Variants in USP48 observed in about 807,000 individuals in gnomAD.
USP48 encodes the protein ubiquitin specific peptidase 48.
Under a neutral mutation model 150.7 loss-of-function variants are expected in USP48, and 43 were observed. That is an observed-to-expected ratio of 0.29 (90% confidence interval 0.22 to 0.37). The LOEUF is 0.37. Among genes scored for constraint, USP48 ranks in the 10% least tolerant of loss-of-function variants. USP48 has a pLI of 1.00. For missense variants in USP48, 813 were observed against 1,249.6 expected (o/e 0.65, Z 5.27); for synonymous variants, 396 against 425.9 (o/e 0.93, Z 0.86).
At chr1:21,742,302 T>C (rs2097783669) in intron 8 of USP48, among the ~76,000 whole-genome samples, 1 of 151,976 alleles carries the variant, frequency 6.6e-6, no homozygotes, top group Admixed American at 6.6e-5. Flanking sequence ...CCAGCACTTT[T>C]GGAGGCTGAG....
At chr1:21,684,217 C>T (rs983326103) in intron 25 of USP48, among the ~76,000 whole-genome samples, 7 of 152,310 alleles carry the variant, frequency 4.6e-5, no homozygotes, top group South Asian at 2.1e-4. Context: ...ATACTGTTTT[C>T]CATAATGGCT....
At chr1:21,714,400 A>C (rs2097698716) in intron 15 of USP48, among the ~76,000 whole-genome samples, 1 of 152,142 alleles carries the variant, frequency 6.6e-6, no homozygotes, top group South Asian at 2.1e-4. Flanking sequence ...CTCCTGAGAA[A>C]CTGAAACTGC....
chr1:21,732,993 C>T (rs922744542), intron 9 of USP48, among the ~76,000 whole-genome samples: 1 of 152,042 alleles, frequency 6.6e-6, no homozygotes, highest in African/African-American at 2.4e-5. Context: ...TGCACCTATG[C>T]TTGGATGTTA....
chr1:21,733,516 G>T (rs1277667129), intron 9 of USP48, among the ~76,000 whole-genome samples: 7 of 152,116 alleles, frequency 4.6e-5, no homozygotes, highest in Non-Finnish European at 8.8e-5. Context: ...ACATAATAAT[G>T]AATGTCTAAT....
intron 22 of USP48, among the ~76,000 whole-genome samples, chr1:21,701,228 T>C (rs1255812889): frequency 2.0e-5 from 3 of 150,044 alleles, no homozygotes; most frequent in Non-Finnish European, 4.4e-5. Flanking sequence ...TAGCCGGGTG[T>C]GGTGGTGGGC....
At chr1:21,716,322 T>C (rs1453122586) in intron 14 of USP48, among the ~76,000 whole-genome samples, 1 of 152,086 alleles carries the variant, frequency 6.6e-6, no homozygotes, top group Non-Finnish European at 1.5e-5. Flanking sequence ...ACTCCTACAG[T>C]CAATCTGAGC....
chr1:21,776,966 T>C (rs1196961857), intron 1 of USP48, among the ~76,000 whole-genome samples: 2 of 140,896 alleles, frequency 1.4e-5, no homozygotes, highest in Admixed American at 1.4e-4. Context: ...AAAAAAAAAA[T>C]TAGCCAGGTG....
At chr1:21,775,553 C>T (rs1262249141) in intron 1 of USP48, among the ~76,000 whole-genome samples, 3 of 152,236 alleles carry the variant, frequency 2.0e-5, no homozygotes, top group African/African-American at 7.2e-5. Context: ...CCGTGCGTGG[C>T]CCTCATTAGG....
In USP48 at chr1:21,767,615, G is replaced by T. The variant is rs572169710; in HGVS notation, c.135-9832C>A. Among the ~76,000 whole-genome samples the T allele has an allele frequency of 1.8e-4, 27 of 150,346 alleles. 1 individual carries two copies. In the South Asian group the frequency reaches 5.7e-3, roughly 32 times the overall value. On this transcript the variant is annotated intron_variant, in intron 1 of 26. Transcript: ENST00000308271. ...TGGGATTACAGGCATGAGCCACCGC[G>T]ACCCGGCCAGGACTTTTTAGAGAGC...
rs754558573 is a variant in USP48 at position 21,690,004 on chromosome 1, G to A, written c.2979C>T (p.Gly993=). Residue 993 remains glycine, a synonymous_variant, in exon 24 of 27, where the codon GGC becomes GGT. Transcript: ENST00000308271. ...ATAAAATGACAGATTCAGGAATGAC[G>A]CCAAGGGTGCCTAGGGTGGCACAGT... ...SDDCATLGTL[G]VIPESVILLK... 8.1e-6 allele frequency: 13 copies of A among 1,613,858 alleles called. No individual in the cohort carries two copies. Among genetic ancestry groups the A allele is most frequent in the Middle Eastern group, 1.6e-4 (1 of 6,082 alleles).
Position 21,752,615 on chromosome 1 carries a change from A to G in USP48, c.577T>C (p.Leu193=), listed in dbSNP as rs2097819432. 2 of 1,611,120 alleles carry G rather than the reference A, an allele frequency of 1.2e-6. No individual in the cohort carries two copies. The highest frequency in any genetic ancestry group is 1.7e-5 in the Admixed American group (1 of 58,828). Reference sequence around the variant, plus strand: ...TTTTGTTTAGACAAAGTATCTTCCAATAGAGACATAAAGAGCTTTGAAAAT... The same window carrying G: ...TTTTGTTTAGACAAAGTATCTTCCAGTAGAGACATAAAGAGCTTTGAAAAT... ...QEFSKLFMSL[L]EDTLSKQKNP... The change falls in exon 5 of 27, where the codon TTG becomes CTG. Residue 193 remains leucine, a synonymous_variant. Coordinates refer to ENST00000308271, the MANE Select transcript of USP48 (RefSeq NM_032236.8).
intron 1 of USP48, among the ~76,000 whole-genome samples, chr1:21,776,487 G>A (rs2097898664): frequency 6.6e-6 from 1 of 150,774 alleles, no homozygotes; most frequent in Non-Finnish European, 1.5e-5. Flanking sequence ...AATTTAGGAG[G>A]CTGAGGAGGG....
intron 14 of USP48, among the ~76,000 whole-genome samples, chr1:21,719,117 T>C (rs2097712547): frequency 6.9e-6 from 1 of 145,744 alleles, no homozygotes; most frequent in African/African-American, 2.6e-5. Flanking sequence ...ATACAAAAAT[T>C]AGCCGGGCAT....
At chr1:21,731,459 T>G (rs2097756661) in intron 9 of USP48, among the ~76,000 whole-genome samples, 2 of 151,908 alleles carry the variant, frequency 1.3e-5, no homozygotes, top group South Asian at 4.2e-4. Context: ...AGATGAGGAT[T>G]TACCACGTTG....
intron 1 of USP48, among the ~76,000 whole-genome samples, chr1:21,758,785 ATGAATG>A (rs1557587066): frequency 6.6e-6 from 1 of 151,404 alleles, no homozygotes; most frequent in Non-Finnish European, 1.5e-5. Context: ...GAATGAATGA[ATGAATG>A]AAAAGGAAAT....
At chr1:21,700,702 T>A (rs925306557) in intron 22 of USP48, among the ~76,000 whole-genome samples, 4 of 152,148 alleles carry the variant, frequency 2.6e-5, no homozygotes, top group African/African-American at 7.2e-5. Flanking sequence ...TCCTCCAATG[T>A]GGGGGTCTGA....
Position 21,757,552 on chromosome 1 carries a change from C to T in USP48, c.255+111G>A. ...TTAAGTTCTACTGCTTATCTTAAAG[C>T]TGCACAGGTTACCTGAAATCAGTAG... On this transcript the variant is annotated intron_variant, in intron 2 of 26. Transcript: ENST00000308271. 2.5e-6 allele frequency: 3 copies of T among 1,222,034 alleles called. No homozygotes were observed. The South Asian group carries it at 4.9e-5, about 20-fold the overall frequency. 75.7% of individuals were successfully genotyped at this position (1,222,034 alleles called of 1,614,324 possible). A position where few individuals can be genotyped will look rare whatever the true frequency, so the allele number is the denominator to read the frequency against.
chr1:21,688,550 A>T (rs1320704330), intron 24 of USP48, among the ~76,000 whole-genome samples: 1 of 151,506 alleles, frequency 6.6e-6, no homozygotes, highest in Non-Finnish European at 1.5e-5. Context: ...CTGTCAAAGA[A>T]AAGTCACTGA....
chr1:21,744,605 G>A (rs1429073119), intron 8 of USP48, among the ~76,000 whole-genome samples: 3 of 150,172 alleles, frequency 2.0e-5, no homozygotes, highest in Admixed American at 6.7e-5. Flanking sequence ...GTGAAACCCC[G>A]TCTCTACTAA....
Sources: gnomAD v4.1 joint callset for allele counts (sites outside exome capture counted in the v4.1 genomes callset) on GRCh38, gnomAD v4.1.1 for gene constraint, MANE v1.5 for transcripts, NCBI Gene and HGNC (gene_info 2026-07-23, HGNC 2026-07-21) for gene names.